DNM2: variants seen among roughly 807,000 people sequenced by gnomAD.
DNM2 encodes dynamin-2.
Under a neutral mutation model 99.0 loss-of-function variants are expected in DNM2, and 15 were observed. The observed-to-expected ratio is 0.15, with a 90% CI of 0.10 to 0.23. The LOEUF is 0.23. Among genes scored for constraint, DNM2 ranks in the 10% least tolerant of loss-of-function variants. The pLI, the probability that DNM2 is intolerant of heterozygous loss-of-function variation, is 1.00. For missense variants in DNM2, 742 were observed against 1,189.4 expected, an observed-to-expected ratio of 0.62 and a Z score of 5.53; for synonymous variants, 525 against 481.2, an observed-to-expected ratio of 1.09 and a Z score of -1.19.
chr19:10,760,472 A>G (rs1253618739), intron 2 of DNM2, among the ~76,000 whole-genome samples: 1 of 152,078 alleles, frequency 6.6e-6, no homozygotes, highest in East Asian at 1.9e-4. Flanking sequence ...GCCTGTCTAC[A>G]AAGTCCCAGC....
At chr19:10,787,726 G>C (rs1416936890) in intron 7 of DNM2, among the ~76,000 whole-genome samples, 1 of 144,152 alleles carries the variant, frequency 6.9e-6, no homozygotes, top group African/African-American at 2.6e-5. Context: ...CTGCACTCCA[G>C]CCTGGGTGAT....
chr19:10,815,662 G>A (rs923396806), intron 15 of DNM2, among the ~76,000 whole-genome samples: 2 of 152,190 alleles, frequency 1.3e-5, no homozygotes, highest in Non-Finnish European at 2.9e-5. Flanking sequence ...CAGCTGGCCA[G>A]TCCCCATGGT....
Position 10,817,408 on chromosome 19 carries a change from G to A in DNM2, c.1672-2572G>A, listed in dbSNP as rs1485984906. 3 of 505,306 alleles carry A rather than the reference G, an allele frequency of 5.9e-6. No individual in the cohort carries two copies. Among genetic ancestry groups the A allele is most frequent in the African/African-American group, 3.9e-5 (2 of 51,106 alleles). 31.3% of individuals were successfully genotyped at this position (505,306 alleles called of 1,614,324 possible). On this transcript the variant is annotated intron_variant, in intron 15 of 20. Coordinates refer to ENST00000389253, the MANE Select transcript of DNM2 (RefSeq NM_001005361.3). The surrounding 1 kb of genome is among the most constrained non-coding windows in gnomAD (Gnocchi z 4.6). ...GAGTTTGGGGGGCCTGTCTCGACGA[G>A]CCGCTCACCCAAGCCCAGCCTAACC...
chr19:10,750,558 T>C (rs886927238), intron 1 of DNM2, among the ~76,000 whole-genome samples: 2 of 152,158 alleles, frequency 1.3e-5, no homozygotes, highest in Admixed American at 6.5e-5. Flanking sequence ...GAGGTTTGCC[T>C]GTACCCTGGA....
At chr19:10,769,857 C>A (rs1374235393) in intron 2 of DNM2, among the ~76,000 whole-genome samples, 1 of 152,312 alleles carries the variant, frequency 6.6e-6, no homozygotes, top group Non-Finnish European at 1.5e-5. Context: ...TCGGAGCCCA[C>A]TGAGTCTCCC....
At chr19:10,799,234 A>G (rs572199739) in intron 11 of DNM2, among the ~76,000 whole-genome samples, 4 of 152,254 alleles carry the variant, frequency 2.6e-5, no homozygotes, top group East Asian at 3.9e-4. Flanking sequence ...CTCTTAAAAA[A>G]GAAGCAGCAA....
chr19:10,830,871 C>G lies in DNM2; in HGVS notation c.2544-107C>G. 2.2e-6 allele frequency: 3 copies of G among 1,378,762 alleles called. No homozygotes were observed. The East Asian group carries it at 7.9e-5, about 36-fold the overall frequency. 85.4% of individuals were successfully genotyped at this position (1,378,762 alleles called of 1,614,324 possible). On this transcript the variant is annotated intron_variant, in intron 20 of 20. Transcript: ENST00000389253. The surrounding 1 kb of genome is among the most constrained non-coding windows in gnomAD (Gnocchi z 4.8). Reference sequence around the variant, plus strand: ...CTTGCGGAGGTCAGCCTGGGAACACCCTGGGGTGGTGTGTGGGTGGGGGCT... The same window carrying G: ...CTTGCGGAGGTCAGCCTGGGAACACGCTGGGGTGGTGTGTGGGTGGGGGCT...
intron 1 of DNM2, among the ~76,000 whole-genome samples, chr19:10,725,983 G>C (rs1487819204): frequency 6.6e-6 from 1 of 152,082 alleles, no homozygotes; most frequent in African/African-American, 2.4e-5. Context: ...CACTTGGGGA[G>C]GCCGAGGCGG....
chr19:10,776,027 C>T, intron 4 of DNM2, 121 bp downstream of exon 4: 6 of 1,265,600 alleles, frequency 4.7e-6, no homozygotes, highest in Non-Finnish European at 6.6e-6. Context: ...AGGAAAAGGC[C>T]TCCTGGAACA....
Position 10,796,334 on chromosome 19 carries a change from G to T in DNM2, c.1196+895G>T, listed in dbSNP as rs911296278. 4 of 1,385,870 alleles carry T rather than the reference G, an allele frequency of 2.9e-6. No homozygotes were observed. Among genetic ancestry groups the T allele is most frequent in the Non-Finnish European group, 4.0e-6 (4 of 992,496 alleles). The allele number at this position is 1,385,870 out of a possible 1,614,324, so 85.8% of individuals were successfully genotyped here. ...ATATCGCTTTGTGTCCGTGAACTTG[G>T]CCTCTCCCCAGAGGCTGGGGCAGGA... On this transcript the variant is annotated intron_variant, in intron 9 of 20. Coordinates refer to ENST00000389253, the MANE Select transcript of DNM2 (RefSeq NM_001005361.3). This position sits in a 1 kb window ranked among gnomAD's most constrained non-coding sequence, Gnocchi z 5.6.
chr19:10,812,896 G>A lies in DNM2; in HGVS notation c.1671+519G>A, dbSNP rs1397720990. On this transcript the variant is annotated intron_variant, in intron 15 of 20. Coordinates refer to ENST00000389253, the MANE Select transcript of DNM2 (RefSeq NM_001005361.3). The surrounding 1 kb of genome is among the most constrained non-coding windows in gnomAD (Gnocchi z 4.0). ...CTGGCCCCCATGGGACCAGCTCCTA[G>A]AGTGCAAAAGGGAGATGGAGGGTGA... 6.6e-6 allele frequency among the ~76,000 whole-genome samples: 1 copy of A among 152,216 alleles called. No homozygotes were observed. Among genetic ancestry groups the A allele is most frequent in the Non-Finnish European group, 1.5e-5 (1 of 68,032 alleles).
chr19:10,800,518 G>T (rs1390140372), intron 11 of DNM2, among the ~76,000 whole-genome samples: 6 of 152,216 alleles, frequency 3.9e-5, no homozygotes, highest in Non-Finnish European at 7.3e-5. Context: ...GGATCTGAGA[G>T]CGCTGGGTTG....
chr19:10,734,687 T>C (rs2069459275), intron 1 of DNM2, among the ~76,000 whole-genome samples: 1 of 150,936 alleles, frequency 6.6e-6, no homozygotes, highest in Non-Finnish European at 1.5e-5. Flanking sequence ...TACAGATTTC[T>C]TCAATTTTTC....
chr19:10,724,225 T>G (rs1370577728), intron 1 of DNM2, among the ~76,000 whole-genome samples: 1 of 152,168 alleles, frequency 6.6e-6, no homozygotes, highest in East Asian at 1.9e-4. Context: ...TCTTCCAGGC[T>G]GGAGTGCAGT....
In DNM2 at chr19:10,830,875, G is replaced by A. The variant is rs2073324344; in HGVS notation, c.2544-103G>A. ...CGGAGGTCAGCCTGGGAACACCCTG[G>A]GGTGGTGTGTGGGTGGGGGCTGGGT... On this transcript the variant is annotated intron_variant, in intron 20 of 20. Coordinates refer to ENST00000389253, the MANE Select transcript of DNM2 (RefSeq NM_001005361.3). This position sits in a 1 kb window ranked among gnomAD's most constrained non-coding sequence, Gnocchi z 4.8. 1 of 1,379,624 alleles carries A rather than the reference G, an allele frequency of 7.2e-7. No individual in the cohort carries two copies. The highest frequency in any genetic ancestry group is 1.4e-5 in the South Asian group (1 of 72,886). 85.5% of individuals were successfully genotyped at this position (1,379,624 alleles called of 1,614,324 possible). A position where few individuals can be genotyped will look rare whatever the true frequency, so the allele number is the denominator to read the frequency against.
intron 1 of DNM2, chr19:10,759,537 A>G: frequency 3.0e-6 from 2 of 655,998 alleles, no homozygotes; most frequent in Non-Finnish European, 5.5e-6. Flanking sequence ...GGTCACTATG[A>G]CCTTCCATGC....
At chr19:10,803,080 A>G (rs974161212) in intron 12 of DNM2, among the ~76,000 whole-genome samples, 1 of 152,132 alleles carries the variant, frequency 6.6e-6, no homozygotes, top group Non-Finnish European at 1.5e-5. Context: ...CCCCACCCTC[A>G]GAGGAAGACC....
Position 10,831,090 on chromosome 19 carries a change from C to T in DNM2, c.*43C>T, listed in dbSNP as rs769002287. On this transcript the variant is annotated 3_prime_UTR_variant, in exon 21 of 21. Transcript: ENST00000389253. The surrounding 1 kb of genome is among the most constrained non-coding windows in gnomAD (Gnocchi z 4.3). ...CTCTCGGGGGGGCCTCACGCACCCG[C>T]GGCGCAGGAGCTTCAGTGGTCTGGG... The T allele has an allele frequency of 5.5e-5, 86 of 1,559,346 alleles. No homozygotes were observed. The highest frequency in any genetic ancestry group is 6.0e-5 in the Non-Finnish European group (69 of 1,152,458).
rs1359766940 is a variant in DNM2, at chr19:10,812,034, C to T, written c.1558-230C>T. Reference sequence around the variant, plus strand: ...TCTGTGAGTCTATACCCCATCAGCCCCTGGCCCAGTGAGTCTGTCTGTCCG... The same window carrying T: ...TCTGTGAGTCTATACCCCATCAGCCTCTGGCCCAGTGAGTCTGTCTGTCCG... On this transcript the variant is annotated intron_variant, in intron 14 of 20. Transcript: ENST00000389253. The surrounding 1 kb of genome is among the most constrained non-coding windows in gnomAD (Gnocchi z 4.0). 1.9e-6 allele frequency: 1 copy of T among 523,748 alleles called. No individual in the cohort carries two copies. Among genetic ancestry groups the T allele is most frequent in the East Asian group, 4.8e-5 (1 of 20,838 alleles). The allele number at this position is 523,748 out of a possible 1,614,324, so 32.4% of individuals were successfully genotyped here.
Sources: gnomAD v4.1 joint callset for allele counts (sites outside exome capture counted in the v4.1 genomes callset) on GRCh38, gnomAD v4.1.1 for gene constraint, Gnocchi (gnomAD v3.1) non-coding constraint, MANE v1.5 for transcripts, NCBI Gene and HGNC (gene_info 2026-07-23, HGNC 2026-07-21) for gene names.